CFDP1: variants seen among roughly 807,000 people sequenced by gnomAD.
CFDP1 encodes heterochromatin-stabilizing protein CFDP1.
A neutral mutation model predicts 40.1 loss-of-function variants in CFDP1; 31 were observed. That is an observed-to-expected ratio of 0.77 (90% CI 0.58 to 1.04). The LOEUF is 1.04. CFDP1 is among the 50% of genes least tolerant of loss of function. The probability of loss-of-function intolerance (pLI) is 0.00; values close to 1 mark genes in which losing one functional copy is unlikely to be tolerated. For synonymous variants in CFDP1, 167 were observed against 120.0 expected (o/e 1.39, Z -2.56); for missense variants, 423 against 343.4 (o/e 1.23, Z -1.83).
chr16:75,330,617 A>C (rs530661915), intron 5 of CFDP1, among the ~76,000 whole-genome samples: 1 of 152,204 alleles, frequency 6.6e-6, no homozygotes, highest in South Asian at 2.1e-4. Flanking sequence ...AAATGATGAA[A>C]GTTTGGCTTC....
At chr16:75,358,476 G>C (rs1268929763) in intron 5 of CFDP1, among the ~76,000 whole-genome samples, 1 of 107,116 alleles carries the variant, frequency 9.3e-6, no homozygotes, top group African/African-American at 2.8e-5. Flanking sequence ...CATAAAATGA[G>C]GTATTTATTA....
At chr16:75,316,149 CA>C (rs2078321991) in intron 5 of CFDP1, among the ~76,000 whole-genome samples, 1 of 152,018 alleles carries the variant, frequency 6.6e-6, no homozygotes, top group East Asian at 1.9e-4. Flanking sequence ...CTTACTGCAC[CA>C]TCATCAGAGG....
chr16:75,402,579 C>T (rs1307864438), intron 4 of CFDP1, among the ~76,000 whole-genome samples: 2 of 152,198 alleles, frequency 1.3e-5, no homozygotes, highest in East Asian at 3.8e-4. Flanking sequence ...CTAACACTAC[C>T]TTACACTTAG....
At chr16:75,397,834 A>G (rs1038893563) in intron 4 of CFDP1, among the ~76,000 whole-genome samples, 7 of 152,208 alleles carry the variant, frequency 4.6e-5, no homozygotes, top group African/African-American at 1.7e-4. Context: ...AAAATAAAAG[A>G]ACAAAACAAA....
intron 4 of CFDP1, among the ~76,000 whole-genome samples, chr16:75,410,171 A>C (rs2079146778): frequency 6.6e-6 from 1 of 151,420 alleles, no homozygotes; most frequent in Non-Finnish European, 1.5e-5. Flanking sequence ...CATTATTTTT[A>C]AGAATAACAA....
At position 75,396,082 on chromosome 16, in the gene CFDP1, T is replaced by C. The variant is rs1435484085; in HGVS notation, c.531-873A>G. 2.9e-5 allele frequency among the ~76,000 whole-genome samples: 3 copies of C among 103,736 alleles called. 1 individual carries two copies. The highest frequency in any genetic ancestry group is 1.2e-4 in the Admixed American group (1 of 8,006). 68.1% of individuals were successfully genotyped at this position (103,736 alleles called of 152,430 possible). On this transcript the variant is annotated intron_variant, in intron 4 of 6. Transcript: ENST00000283882. ...CTAAATCTCCATGCTGGTTTACTGA[T>C]GTGAAGGCTGAAAAAGGCCCTCACA...
intron 1 of CFDP1, among the ~76,000 whole-genome samples, chr16:75,431,561 C>T (rs1442568783): frequency 1.1e-4 from 17 of 151,398 alleles, no homozygotes; most frequent in Non-Finnish European, 1.5e-5. Flanking sequence ...ACTGCTTGAA[C>T]CGGGAAGGCA....
chr16:75,393,042 T>C (rs558597649), intron 5 of CFDP1, among the ~76,000 whole-genome samples: 6 of 152,328 alleles, frequency 3.9e-5, no homozygotes, highest in Admixed American at 2.6e-4. Context: ...CCATGATACA[T>C]GCTGAGAGCA....
At chr16:75,393,639 G>A (rs1005557798) in intron 5 of CFDP1, among the ~76,000 whole-genome samples, 1 of 149,794 alleles carries the variant, frequency 6.7e-6, no homozygotes, top group Non-Finnish European at 1.5e-5. Flanking sequence ...GCTGAGGCAG[G>A]AGAAGGGCGT....
intron 5 of CFDP1, among the ~76,000 whole-genome samples, chr16:75,339,810 C>G (rs964261915): frequency 3.3e-5 from 5 of 152,192 alleles, no homozygotes; most frequent in African/African-American, 1.2e-4. Flanking sequence ...AACAGGAGCC[C>G]TTCAGCACTC....
intron 5 of CFDP1, among the ~76,000 whole-genome samples, chr16:75,360,153 A>G (rs2078672051): frequency 6.6e-6 from 1 of 152,134 alleles, no homozygotes; most frequent in South Asian, 2.1e-4. Flanking sequence ...TGGCCTCCCA[A>G]AAAGTGCTGG....
chr16:75,430,856 A>T (rs1236731233), intron 1 of CFDP1, among the ~76,000 whole-genome samples: 1 of 152,154 alleles, frequency 6.6e-6, no homozygotes, highest in Admixed American at 6.6e-5. Context: ...TAAAGTCTGC[A>T]TCGATGTTAA....
At chr16:75,312,751 A>C (rs2078301939) in intron 5 of CFDP1, among the ~76,000 whole-genome samples, 2 of 152,182 alleles carry the variant, frequency 1.3e-5, no homozygotes, top group African/African-American at 4.8e-5. Context: ...AGGGAGAACT[A>C]AGAAATTTTA....
chr16:75,408,519 C>T (rs1026612982), intron 4 of CFDP1, among the ~76,000 whole-genome samples: 6 of 152,062 alleles, frequency 3.9e-5, no homozygotes, highest in Non-Finnish European at 8.8e-5. Context: ...GTGGCTCACA[C>T]TGTAATTGCA....
intron 1 of CFDP1, among the ~76,000 whole-genome samples, chr16:75,431,454 C>CAGAA (rs2079414514): frequency 1.7e-5 from 1 of 59,600 alleles, no homozygotes; most frequent in East Asian, 6.2e-4. Flanking sequence ...ACTCTTGTCT[C>CAGAA]AAAAAAAAAA....
At chr16:75,418,650 C>T (rs1167934687) in intron 1 of CFDP1, among the ~76,000 whole-genome samples, 2 of 150,548 alleles carry the variant, frequency 1.3e-5, no homozygotes, top group African/African-American at 2.4e-5. Context: ...ACTACACAAA[C>T]GGCATATAAA....
chr16:75,305,106 T>C lies in CFDP1; in HGVS notation c.727A>G (p.Lys243Glu). 1 of 1,614,152 alleles carries C rather than the reference T, an allele frequency of 6.2e-7. No homozygotes were observed. The highest frequency in any genetic ancestry group is 8.5e-7 in the Non-Finnish European group (1 of 1,180,012). ...AKKQKMSTLEKSKLDWESFKE... is the reference protein window; with the variant it reads ...AKKQKMSTLEESKLDWESFKE... ...AAGCTCTCCCAGTCCAGTTTGGACT[T>C]CTCAAGGGTGCTCATTTTCTGCTTC... The change falls in exon 6 of 7, where the codon AAG becomes GAG. Residue 243 changes from lysine (K) to glutamate (E), a missense_variant. Physicochemically the swap from Lys to Glu is moderately conservative, Grantham distance 56 (BLOSUM62 1). Transcript: ENST00000283882.
intron 5 of CFDP1, among the ~76,000 whole-genome samples, chr16:75,321,628 A>C (rs566044568): frequency 2.6e-5 from 4 of 152,290 alleles, no homozygotes; most frequent in Admixed American, 6.5e-5. Context: ...AGCGGAAAAG[A>C]GGGGTGAGGA....
At chr16:75,394,872 G>T in intron 5 of CFDP1, 1 of 465,432 alleles carries the variant, frequency 2.1e-6, no homozygotes, top group Non-Finnish European at 3.8e-6. Flanking sequence ...TATTGCCCAG[G>T]CTGGTCACAA....
Sources: allele counts gnomAD v4.1 joint callset (sites outside exome capture counted in the v4.1 genomes callset), GRCh38; gene constraint gnomAD v4.1.1; transcripts MANE v1.5; gene names NCBI Gene and HGNC (gene_info 2026-07-23, HGNC 2026-07-21).